PCNX2: variants seen among roughly 807,000 people sequenced by gnomAD.
PCNX2 encodes pecanex 2.
PCNX2 carries 168 observed loss-of-function variants against 223.8 expected under a neutral mutation model. That is an observed-to-expected ratio of 0.75 (90% confidence interval 0.66 to 0.85). PCNX2 has a LOEUF of 0.85. Among genes scored for constraint, PCNX2 ranks in the 40% least tolerant of loss-of-function variants. The pLI, the probability that PCNX2 is intolerant of heterozygous loss-of-function variation, is 0.00. For synonymous variants in PCNX2, 1,006 were observed against 1,052.6 expected (o/e 0.96, Z 0.86); for missense variants, 2,507 against 2,675.5 (o/e 0.94, Z 1.39).
chr1:233,108,568 CGCAGACCTGAAGGGAGAAAAG>C (rs541436618), intron 21 of PCNX2, among the ~76,000 whole-genome samples: 1 of 152,286 alleles, frequency 6.6e-6, no homozygotes, highest in African/African-American at 2.4e-5. Flanking sequence ...TCTGATGTGG[CGCAGACCTGAAGGGAGAAAAG>C]GCAGACATGC....
chr1:233,231,557 T>TG (rs923530170), intron 9 of PCNX2: 8 of 848,772 alleles, frequency 9.4e-6, no homozygotes, highest in East Asian at 2.5e-4. Flanking sequence ...CCTGTTTTCT[T>TG]GGGGGGTGGA....
intron 23 of PCNX2, among the ~76,000 whole-genome samples, chr1:233,062,204 T>C (rs1271713300): frequency 6.6e-6 from 1 of 152,250 alleles, no homozygotes; most frequent in Non-Finnish European, 1.5e-5. Flanking sequence ...AATTGCCTAA[T>C]ATATAATCAG....
chr1:233,059,648 T>G (rs145712495), intron 23 of PCNX2, among the ~76,000 whole-genome samples: 57 of 152,346 alleles, frequency 3.7e-4, no homozygotes, highest in African/African-American at 1.3e-3. Context: ...AACTGGCACA[T>G]AGTAGTCACT....
intron 4 of PCNX2, among the ~76,000 whole-genome samples, chr1:233,260,257 T>C (rs999536958): frequency 2.0e-5 from 3 of 152,190 alleles, no homozygotes; most frequent in Admixed American, 2.0e-4. Flanking sequence ...AATGAAATAA[T>C]GTATGTAAAA....
At position 233,229,446 on chromosome 1, in the gene PCNX2, A is replaced by C. The variant is rs115783176; in HGVS notation, c.2359-2075T>G. On this transcript the variant is annotated intron_variant, in intron 9 of 33. Coordinates refer to ENST00000258229, the MANE Select transcript of PCNX2 (RefSeq NM_014801.4). Reference sequence around the variant, plus strand: ...GGAACAGCTTCTTTGCATGATGATGAACTTGTGGTTTATAGTAAACCTCCC... The same window carrying C: ...GGAACAGCTTCTTTGCATGATGATGCACTTGTGGTTTATAGTAAACCTCCC... 6.1e-3 allele frequency among the ~76,000 whole-genome samples: 928 copies of C among 152,274 alleles called. 7 individuals are homozygous for C. The highest frequency in any genetic ancestry group is 0.021 in the African/African-American group (857 of 41,560).
chr1:233,177,126 AT>A (rs1486606449), intron 17 of PCNX2, among the ~76,000 whole-genome samples: 1 of 152,186 alleles, frequency 6.6e-6, no homozygotes, highest in Non-Finnish European at 1.5e-5. Context: ...TAGAAGCAAA[AT>A]TTATTCAAAG....
intron 5 of PCNX2, among the ~76,000 whole-genome samples, chr1:233,254,497 T>C (rs1659618819): frequency 6.6e-6 from 1 of 152,198 alleles, no homozygotes. Context: ...TAAGTCAACA[T>C]ATGGACGGTT....
At chr1:232,994,682 A>G (rs1013847624) in intron 32 of PCNX2, among the ~76,000 whole-genome samples, 2 of 152,124 alleles carry the variant, frequency 1.3e-5, no homozygotes, top group African/African-American at 2.4e-5. Context: ...AAAAATCCCC[A>G]TGTGTTGAGG....
At chr1:233,262,199 C>T (rs753793447) in intron 2 of PCNX2, 34 bp from the exon 3 acceptor site, 52 of 1,610,002 alleles carry the variant, frequency 3.2e-5, no homozygotes, top group East Asian at 4.5e-5. Context: ...GAGCAGTGAG[C>T]GATATTATCA....
intron 10 of PCNX2, among the ~76,000 whole-genome samples, chr1:233,225,616 G>A (rs1399154561): frequency 6.6e-6 from 1 of 152,210 alleles, no homozygotes; most frequent in East Asian, 1.9e-4. Flanking sequence ...TAAAAAGTGC[G>A]GTCATCCTCA....
At chr1:233,153,110 A>G (rs769094935) in intron 19 of PCNX2, among the ~76,000 whole-genome samples, 5 of 152,228 alleles carry the variant, frequency 3.3e-5, no homozygotes, top group Non-Finnish European at 5.9e-5. Context: ...ACTTTCTAGC[A>G]GCAGCAGTGG....
intron 23 of PCNX2, among the ~76,000 whole-genome samples, chr1:233,083,112 C>T (rs1176652086): frequency 1.3e-5 from 2 of 152,106 alleles, no homozygotes; most frequent in Non-Finnish European, 2.9e-5. Context: ...TGAATGATAG[C>T]AGGACACCTG....
chr1:233,018,566 C>G (rs1300405647), intron 26 of PCNX2, among the ~76,000 whole-genome samples: 1 of 152,124 alleles, frequency 6.6e-6, no homozygotes, highest in Non-Finnish European at 1.5e-5. Flanking sequence ...ATTCCTCCAT[C>G]AAAAAGGCTA....
intron 13 of PCNX2, among the ~76,000 whole-genome samples, chr1:233,206,427 T>G (rs562289131): frequency 6.8e-6 from 1 of 147,190 alleles, no homozygotes; most frequent in African/African-American, 2.4e-5. Flanking sequence ...CTCTGTCTAC[T>G]CAAACTCTGA....
At chr1:233,149,449 T>G (rs1031387169) in intron 19 of PCNX2, among the ~76,000 whole-genome samples, 1 of 144,586 alleles carries the variant, frequency 6.9e-6, no homozygotes, top group Non-Finnish European at 1.5e-5. Context: ...AAGGGCCAGA[T>G]GCATTTCAGT....
At chr1:233,149,983 C>A (rs1203619151) in intron 19 of PCNX2, among the ~76,000 whole-genome samples, 1 of 151,986 alleles carries the variant, frequency 6.6e-6, no homozygotes, top group Non-Finnish European at 1.5e-5. Context: ...CCCCTCAGAT[C>A]TAAATGAAGA....
intron 25 of PCNX2, among the ~76,000 whole-genome samples, chr1:233,041,406 C>A (rs980417830): frequency 6.6e-6 from 1 of 152,178 alleles, no homozygotes; most frequent in African/African-American, 2.4e-5. Context: ...CACACCTGAC[C>A]TCTTGTGATG....
intron 23 of PCNX2, among the ~76,000 whole-genome samples, chr1:233,085,357 ACCTGCTTTTTGCAGGGC>A (rs1673551862): frequency 6.6e-6 from 1 of 151,528 alleles, no homozygotes; most frequent in Non-Finnish European, 1.5e-5. Context: ...AGTACAGAAC[ACCTGCTTTTTGCAGGGC>A]CCCATTAGGC....
intron 12 of PCNX2, among the ~76,000 whole-genome samples, chr1:233,211,139 G>C (rs935934015): frequency 2.0e-5 from 3 of 152,112 alleles, no homozygotes; most frequent in African/African-American, 7.2e-5. Context: ...TGGGGTGTCT[G>C]GGAAAATTGT....
Sources: allele counts gnomAD v4.1 joint callset (sites outside exome capture counted in the v4.1 genomes callset), GRCh38; gene constraint gnomAD v4.1.1; transcripts MANE v1.5; gene names NCBI Gene and HGNC (gene_info 2026-07-23, HGNC 2026-07-21).